Variants in MAGI2 observed in about 807,000 individuals in gnomAD.
MAGI2 encodes the protein membrane-associated guanylate kinase, WW and PDZ domain-containing protein 2.
MAGI2 carries 35 observed loss-of-function variants against 133.3 expected under a neutral mutation model. The ratio of observed to expected loss-of-function variants is 0.26; its 90% CI spans 0.20 to 0.35. The LOEUF is 0.35. Among genes scored for constraint, MAGI2 ranks in the 10% least tolerant of loss-of-function variants. The pLI, the probability that MAGI2 is intolerant of heterozygous loss-of-function variation, is 1.00. For synonymous variants in MAGI2, 729 were observed against 710.6 expected (o/e 1.03, Z -0.41); for missense variants, 1,636 against 1,863.4 (o/e 0.88, Z 2.25).
intron 1 of MAGI2, chr7:79,413,046 G>A (rs545560634): frequency 5.3e-5 from 8 of 152,208 alleles, no homozygotes; most frequent in Admixed American, 2.0e-4. Context: ...GCCACCACTT[G>A]GAAAATAAGC....
At chr7:78,191,331 T>C (rs914394439) in intron 12 of MAGI2, among the ~76,000 whole-genome samples, 1 of 152,172 alleles carries the variant, frequency 6.6e-6, no homozygotes, top group African/African-American at 2.4e-5. Flanking sequence ...AATTTTCACA[T>C]GGAAGTTGAG....
At chr7:78,406,732 A>G (rs557874889) in intron 6 of MAGI2, among the ~76,000 whole-genome samples, 17 of 152,152 alleles carry the variant, frequency 1.1e-4, no homozygotes, top group Middle Eastern at 3.4e-3. Flanking sequence ...GAGCCATTTT[A>G]CCACATGCCA....
intron 3 of MAGI2, among the ~76,000 whole-genome samples, chr7:78,579,080 A>G (rs1230633848): frequency 6.6e-6 from 1 of 152,182 alleles, no homozygotes; most frequent in Admixed American, 6.5e-5. Flanking sequence ...TACAGCCACA[A>G]TCACATCCCA....
At chr7:78,644,247 T>C (rs1810609187) in intron 2 of MAGI2, among the ~76,000 whole-genome samples, 1 of 152,128 alleles carries the variant, frequency 6.6e-6, no homozygotes, top group African/African-American at 2.4e-5. Context: ...AACACTTCTC[T>C]TTTAATAATT....
At chr7:78,689,554 TTCTC>T (rs1313054879) in intron 2 of MAGI2, among the ~76,000 whole-genome samples, 3 of 152,162 alleles carry the variant, frequency 2.0e-5, no homozygotes, top group Non-Finnish European at 4.4e-5. Flanking sequence ...CTTCGCAGTT[TTCTC>T]TCTGTCTCGC....
At chr7:78,287,095 T>C (rs893200963) in intron 9 of MAGI2, among the ~76,000 whole-genome samples, 3 of 152,242 alleles carry the variant, frequency 2.0e-5, no homozygotes, top group Admixed American at 6.5e-5. Context: ...ATGAGGGGAG[T>C]GGCATAATCA....
intron 2 of MAGI2, among the ~76,000 whole-genome samples, chr7:78,653,790 A>C (rs987216479): frequency 2.7e-5 from 4 of 150,918 alleles, no homozygotes; most frequent in African/African-American, 4.8e-5. Flanking sequence ...AAAAAAAAAA[A>C]AACAAGGATA....
At chr7:78,486,949 G>A in intron 6 of MAGI2, 1 of 525,476 alleles carries the variant, frequency 1.9e-6, no homozygotes, top group Non-Finnish European at 3.8e-6. Context: ...ATGGCTCTGG[G>A]GCCGGGTCCA....
intron 6 of MAGI2, among the ~76,000 whole-genome samples, chr7:78,399,949 C>T (rs550853432): frequency 2.5e-4 from 37 of 147,058 alleles, no homozygotes; most frequent in African/African-American, 9.0e-4. Flanking sequence ...AAAAAAATAA[C>T]AAAACAATTC....
intron 1 of MAGI2, among the ~76,000 whole-genome samples, chr7:79,297,797 A>AT (rs1366935499): frequency 1.3e-5 from 2 of 152,238 alleles, no homozygotes; most frequent in Non-Finnish European, 2.9e-5. Flanking sequence ...CTGAGGCAAA[A>AT]TGAATGGCTG....
At chr7:79,437,747 T>C (rs770474162) in intron 1 of MAGI2, among the ~76,000 whole-genome samples, 11 of 152,268 alleles carry the variant, frequency 7.2e-5, no homozygotes, top group Admixed American at 2.6e-4. Flanking sequence ...TGAAACCATA[T>C]AGCTGATAAA....
chr7:78,568,792 GA>G (rs113385342), intron 3 of MAGI2, among the ~76,000 whole-genome samples: 2,402 of 150,098 alleles, frequency 0.016, 47 homozygotes, highest in East Asian at 0.086. Flanking sequence ...TAATAAAGCT[GA>G]AAAAAAAACA....
intron 1 of MAGI2, among the ~76,000 whole-genome samples, chr7:79,272,426 C>T (rs1233116870): frequency 6.6e-6 from 1 of 152,192 alleles, no homozygotes; most frequent in East Asian, 1.9e-4. Flanking sequence ...CATTTAAGTG[C>T]TCCTTAATTA....
chr7:79,410,876 G>C (rs1846096253), intron 1 of MAGI2: 1 of 152,176 alleles, frequency 6.6e-6, no homozygotes, highest in East Asian at 1.9e-4. Flanking sequence ...TATATTTTCA[G>C]TTTTGTTCAA....
At chr7:78,842,886 G>C (rs1368996159) in intron 2 of MAGI2, among the ~76,000 whole-genome samples, 1 of 150,812 alleles carries the variant, frequency 6.6e-6, no homozygotes, top group African/African-American at 2.4e-5. Context: ...TTTTAACTTT[G>C]CTGTAAAATT....
chr7:78,243,117 C>CT (rs1791332981), intron 10 of MAGI2, among the ~76,000 whole-genome samples: 1 of 151,874 alleles, frequency 6.6e-6, no homozygotes, highest in South Asian at 2.1e-4. Flanking sequence ...CATTACCTAA[C>CT]TAGCTGCTTA....
chr7:78,591,871 T>G (rs1804038176), intron 3 of MAGI2, among the ~76,000 whole-genome samples: 1 of 152,090 alleles, frequency 6.6e-6, no homozygotes, highest in African/African-American at 2.4e-5. Context: ...CACAAAAATA[T>G]AAGAAGAGCA....
intron 21 of MAGI2, among the ~76,000 whole-genome samples, chr7:78,076,358 C>T (rs2151179046): frequency 6.7e-6 from 1 of 150,180 alleles, no homozygotes; most frequent in East Asian, 2.0e-4. Flanking sequence ...ACTCAGGAGG[C>T]TGAGGCTGAA....
intron 2 of MAGI2, among the ~76,000 whole-genome samples, chr7:78,824,739 G>C (rs1790471443): frequency 6.6e-6 from 1 of 152,096 alleles, no homozygotes; most frequent in African/African-American, 2.4e-5. Context: ...TCACACTGCT[G>C]TTAGTTTCTT....
Sources: allele counts gnomAD v4.1 joint callset (sites outside exome capture counted in the v4.1 genomes callset), GRCh38; gene constraint gnomAD v4.1.1; transcripts MANE v1.5; gene names NCBI Gene and HGNC (gene_info 2026-07-23, HGNC 2026-07-21).